GRID1: variants seen among roughly 807,000 people sequenced by gnomAD.
The protein encoded by GRID1 is glutamate receptor ionotropic, delta-1.
A neutral mutation model predicts 98.0 loss-of-function variants in GRID1; 28 were observed. The observed-to-expected ratio is 0.29, with a 90% CI of 0.21 to 0.39. The LOEUF (loss-of-function observed/expected upper bound fraction) is 0.39. GRID1 is among the 10% of genes least tolerant of loss of function. GRID1 has a pLI of 1.00. For synonymous variants in GRID1, 553 were observed against 538.5 expected (o/e 1.03, Z -0.37); for missense variants, 1,111 against 1,340.5 (o/e 0.83, Z 2.67).
chr10:86,067,558 A>C (rs1478947307), intron 4 of GRID1, among the ~76,000 whole-genome samples: 1 of 152,226 alleles, frequency 6.6e-6, no homozygotes, highest in African/African-American at 2.4e-5. Context: ...CTTGGGATAA[A>C]AGGTTTTAAA....
rs114287812 is a variant in GRID1, at chr10:86,192,029, G to C, written c.520+14335C>G. ...ATCTGAACTTGATCCTTAAGGAGAG[G>C]GGGAGACATTCAGGGGTCTAAGCAG... On this transcript the variant is annotated intron_variant, in intron 3 of 15. Coordinates refer to ENST00000327946, the MANE Select transcript of GRID1 (RefSeq NM_017551.3). The surrounding 1 kb of genome is among the most constrained non-coding windows in gnomAD (Gnocchi z 4.8). Among the ~76,000 whole-genome samples, 914 of 152,278 alleles carry C rather than the reference G, an allele frequency of 6.0e-3. 13 individuals are homozygous for C. Among genetic ancestry groups the C allele is most frequent in the African/African-American group, 0.021 (885 of 41,542 alleles).
intron 4 of GRID1, among the ~76,000 whole-genome samples, chr10:85,940,910 G>A (rs766713353): frequency 8.5e-5 from 13 of 152,202 alleles, no homozygotes; most frequent in South Asian, 4.1e-4. Context: ...CAAAGCAGCC[G>A]CTCAAGCTCC....
At chr10:85,819,472 C>T (rs758101316) in intron 8 of GRID1, among the ~76,000 whole-genome samples, 1 of 152,170 alleles carries the variant, frequency 6.6e-6, no homozygotes, top group Non-Finnish European at 1.5e-5. Flanking sequence ...AGTAACTTTA[C>T]ATTGGGGAAA....
chr10:86,070,463 C>A (rs1843787857), intron 4 of GRID1, among the ~76,000 whole-genome samples: 1 of 152,194 alleles, frequency 6.6e-6, no homozygotes, highest in Non-Finnish European at 1.5e-5. Context: ...CTGCCCTGAC[C>A]AGGCTGGGAT....
Position 85,916,481 on chromosome 10 carries a change from G to T in GRID1, c.727-242C>A, listed in dbSNP as rs1198607868. ...GCACCAGCCCAGAGCAAGATTAGAC[G>T]CTTGGGTTCCTGCAGGCAGCACAGG... is the stretch of plus-strand genomic sequence containing the variant. On this transcript the variant is annotated intron_variant, in intron 4 of 15. Transcript: ENST00000327946. This position sits in a 1 kb window ranked among gnomAD's most constrained non-coding sequence, Gnocchi z 4.0. 6.6e-6 allele frequency among the ~76,000 whole-genome samples: 1 copy of T among 152,192 alleles called. No homozygotes were observed. Among genetic ancestry groups the T allele is most frequent in the Non-Finnish European group, 1.5e-5 (1 of 68,038 alleles).
intron 3 of GRID1, among the ~76,000 whole-genome samples, chr10:86,150,196 G>C (rs1188534344): frequency 6.6e-6 from 1 of 152,186 alleles, no homozygotes; most frequent in Non-Finnish European, 1.5e-5. Context: ...GGCCTCTCGG[G>C]GCAGGAGCAA....
At chr10:86,106,286 C>A (rs1589373155) in intron 4 of GRID1, among the ~76,000 whole-genome samples, 1 of 152,360 alleles carries the variant, frequency 6.6e-6, no homozygotes, top group Admixed American at 6.5e-5. Context: ...AATAACAATT[C>A]TTCATCTCAA....
intron 8 of GRID1, among the ~76,000 whole-genome samples, chr10:85,822,858 A>G (rs1458900469): frequency 6.6e-6 from 1 of 152,244 alleles, no homozygotes; most frequent in African/African-American, 2.4e-5. Flanking sequence ...CCATGCAGCC[A>G]TAAAAAATGT....
intron 15 of GRID1, among the ~76,000 whole-genome samples, chr10:85,611,320 T>C (rs1198638030): frequency 2.0e-5 from 3 of 152,142 alleles, no homozygotes; most frequent in East Asian, 1.9e-4. Flanking sequence ...AAGCAGACAA[T>C]GACTTCCCAT....
chr10:85,615,368 A>T (rs1490221202), intron 14 of GRID1, among the ~76,000 whole-genome samples: 1 of 152,186 alleles, frequency 6.6e-6, no homozygotes, highest in East Asian at 1.9e-4. Flanking sequence ...CGCCACTTAG[A>T]TGAGCAGACC....
In GRID1 at chr10:86,057,951, G is replaced by A. The variant is rs548062669; in HGVS notation, c.726+80868C>T. 4.6e-5 allele frequency among the ~76,000 whole-genome samples: 7 copies of A among 152,276 alleles called. 1 individual carries two copies. In the East Asian group the frequency reaches 1.4e-3, roughly 29 times the overall value. On this transcript the variant is annotated intron_variant, in intron 4 of 15. Coordinates refer to ENST00000327946, the MANE Select transcript of GRID1 (RefSeq NM_017551.3). ...TGCGGTGTGCGCTCCAGAAATGTTC[G>A]TGGAATTCTAACTAGGAGTTTTGCC...
chr10:85,689,601 A>C (rs918710499), intron 12 of GRID1, among the ~76,000 whole-genome samples: 3 of 152,160 alleles, frequency 2.0e-5, no homozygotes, highest in Admixed American at 2.0e-4. Flanking sequence ...CCTCAAATAC[A>C]ACAAAAACCA....
intron 4 of GRID1, among the ~76,000 whole-genome samples, chr10:86,058,099 G>A (rs1249828463): frequency 3.3e-5 from 5 of 152,104 alleles, no homozygotes; most frequent in Non-Finnish European, 7.4e-5. Context: ...TATGGAAGTG[G>A]GGAAGAAAGG....
At chr10:86,117,595 A>G (rs929938463) in intron 4 of GRID1, among the ~76,000 whole-genome samples, 4 of 151,720 alleles carry the variant, frequency 2.6e-5, no homozygotes, top group African/African-American at 9.7e-5. Flanking sequence ...CATCAACATC[A>G]TTATCATCAC....
At chr10:85,662,436 G>T (rs1840975846) in intron 12 of GRID1, among the ~76,000 whole-genome samples, 1 of 152,190 alleles carries the variant, frequency 6.6e-6, no homozygotes, top group South Asian at 2.1e-4. Flanking sequence ...CCACATGACT[G>T]CAGTGAAAGG....
intron 8 of GRID1, among the ~76,000 whole-genome samples, chr10:85,789,016 G>T (rs1770169282): frequency 6.6e-6 from 1 of 151,538 alleles, no homozygotes; most frequent in African/African-American, 2.4e-5. Context: ...TCTTGATTAA[G>T]AGGGAAAAAA....
chr10:85,668,908 G>A (rs1299787229), intron 12 of GRID1, among the ~76,000 whole-genome samples: 2 of 152,232 alleles, frequency 1.3e-5, no homozygotes, highest in African/African-American at 2.4e-5. Context: ...GGACAATGGA[G>A]TGTGCTCAAG....
intron 4 of GRID1, among the ~76,000 whole-genome samples, chr10:86,101,365 C>T (rs1844293503): frequency 6.6e-6 from 1 of 152,092 alleles, no homozygotes; most frequent in Non-Finnish European, 1.5e-5. Context: ...GTAATGTAAC[C>T]AACACCATAA....
rs374744917 is a variant in GRID1 at position 86,075,405 on chromosome 10, C to T, written c.726+63414G>A. Among the ~76,000 whole-genome samples, 515 of 150,198 alleles carry T rather than the reference C, an allele frequency of 3.4e-3. 8 individuals are homozygous for T. Among genetic ancestry groups the T allele is most frequent in the African/African-American group, 0.012 (490 of 40,762 alleles). On this transcript the variant is annotated intron_variant, in intron 4 of 15. Transcript: ENST00000327946. ...AGATCAGGGTGATGCTGCCACAAGC[C>T]AAGGAAGGCCAAAGGTTGAGCAAAC... is the stretch of plus-strand genomic sequence containing the variant.
Sources: allele counts gnomAD v4.1 joint callset (sites outside exome capture counted in the v4.1 genomes callset), GRCh38; gene constraint gnomAD v4.1.1; non-coding constraint Gnocchi (gnomAD v3.1); transcripts MANE v1.5; gene names NCBI Gene and HGNC (gene_info 2026-07-23, HGNC 2026-07-21).